Variants in ZNF609 observed in about 807,000 individuals in gnomAD.
The protein encoded by ZNF609 is zinc finger protein 609.
In ZNF609, 11 loss-of-function variants were observed where a neutral mutation model predicts 109.5. That is an observed-to-expected ratio of 0.10 (90% CI 0.06 to 0.17). ZNF609 has a LOEUF of 0.17. ZNF609 is among the 10% of genes least tolerant of loss of function. The pLI, the probability that ZNF609 is intolerant of heterozygous loss-of-function variation, is 1.00. For synonymous variants in ZNF609, 646 were observed against 662.0 expected (o/e 0.98, Z 0.37); for missense variants, 1,559 against 1,772.4 (o/e 0.88, Z 2.16).
chr15:64,529,710 G>T, intron 2 of ZNF609: 1 of 672,160 alleles, frequency 1.5e-6, no homozygotes, highest in Non-Finnish European at 2.8e-6. Flanking sequence ...GAGAGAATAT[G>T]TGGCTGTCTG....
chr15:64,676,919 A>G (rs1896818049), intron 5 of ZNF609, among the ~76,000 whole-genome samples: 1 of 149,548 alleles, frequency 6.7e-6, no homozygotes, highest in South Asian at 2.1e-4. Context: ...ACACCTGGCT[A>G]ATTTTTTGTA....
intron 2 of ZNF609, among the ~76,000 whole-genome samples, chr15:64,527,194 T>C (rs1893979219): frequency 6.6e-6 from 1 of 150,520 alleles, no homozygotes; most frequent in African/African-American, 2.5e-5. Flanking sequence ...TTTCTGTTCA[T>C]CACATATTTA....
chr15:64,578,432 C>A (rs118092540), intron 2 of ZNF609, among the ~76,000 whole-genome samples: 7 of 152,064 alleles, frequency 4.6e-5, no homozygotes, highest in Admixed American at 4.6e-4. Flanking sequence ...CAGTTGCTCA[C>A]GACTGTAATC....
At chr15:64,665,968 A>C (rs557028544) in intron 3 of ZNF609, among the ~76,000 whole-genome samples, 2 of 148,858 alleles carry the variant, frequency 1.3e-5, no homozygotes, top group Non-Finnish European at 3.0e-5. Flanking sequence ...CCAGCTACTC[A>C]GGAGGCTGAG....
At chr15:64,514,481 G>A (rs2140359976) in intron 2 of ZNF609, among the ~76,000 whole-genome samples, 1 of 152,234 alleles carries the variant, frequency 6.6e-6, no homozygotes, top group Middle Eastern at 3.4e-3. Flanking sequence ...AATTGAACAA[G>A]AACTATCATG....
At position 64,680,642 on chromosome 15, in the gene ZNF609, C is replaced by G. The variant is rs376742833; in HGVS notation, c.3946-4C>G. ...TGCTTTTGTGTCTCTGGTTTCCTTTCCAGATAAGTGATAAAACTTCTCAGG... is the reference window on the plus strand; with the variant it reads ...TGCTTTTGTGTCTCTGGTTTCCTTTGCAGATAAGTGATAAAACTTCTCAGG... On this transcript the variant is annotated splice_polypyrimidine_tract_variant and splice_region_variant and intron_variant, in intron 7 of 9. Transcript: ENST00000326648. 5.7e-6 allele frequency: 9 copies of G among 1,579,134 alleles called. No individual in the cohort carries two copies. The African/African-American group carries it at 1.1e-4, about 19-fold the overall frequency.
intron 2 of ZNF609, among the ~76,000 whole-genome samples, chr15:64,534,802 G>A (rs1248842744): frequency 1.3e-5 from 2 of 152,096 alleles, no homozygotes; most frequent in Non-Finnish European, 2.9e-5. Context: ...GGAGGCCAAG[G>A]TGGGTGGATG....
chr15:64,545,201 T>G (rs1424131644), intron 2 of ZNF609, among the ~76,000 whole-genome samples: 5 of 152,112 alleles, frequency 3.3e-5, no homozygotes, highest in African/African-American at 9.6e-5. Flanking sequence ...ATACAGGATT[T>G]TTTTTTTTTT....
intron 1 of ZNF609, among the ~76,000 whole-genome samples, chr15:64,464,964 G>GT (rs909600052): frequency 6.6e-5 from 10 of 152,318 alleles, no homozygotes; most frequent in African/African-American, 2.4e-4. Context: ...TTGTTGATTT[G>GT]TTAGTAAGAT....
intron 3 of ZNF609, among the ~76,000 whole-genome samples, chr15:64,653,866 G>A (rs1567040135): frequency 6.6e-6 from 1 of 151,996 alleles, no homozygotes; most frequent in Non-Finnish European, 1.5e-5. Flanking sequence ...GAGCCAAAGA[G>A]CTATAAAAAA....
intron 2 of ZNF609, among the ~76,000 whole-genome samples, chr15:64,574,143 T>C (rs1016971366): frequency 3.3e-5 from 5 of 149,430 alleles, no homozygotes; most frequent in Non-Finnish European, 5.9e-5. Flanking sequence ...TTAGCCTTTT[T>C]TGAGCTTTTA....
intron 1 of ZNF609, among the ~76,000 whole-genome samples, chr15:64,483,547 T>C (rs1415409736): frequency 2.0e-5 from 3 of 152,294 alleles, no homozygotes; most frequent in African/African-American, 7.2e-5. Flanking sequence ...CCACCACGCC[T>C]GGCTACATTT....
chr15:64,677,616 T>A (rs1325546375), intron 5 of ZNF609, among the ~76,000 whole-genome samples: 2 of 152,210 alleles, frequency 1.3e-5, no homozygotes, highest in African/African-American at 2.4e-5. Context: ...TAGGTTGAGT[T>A]AGAACTAGGA....
intron 2 of ZNF609, among the ~76,000 whole-genome samples, chr15:64,609,262 T>G (rs1260705829): frequency 3.3e-5 from 5 of 151,768 alleles, no homozygotes; most frequent in African/African-American, 7.3e-5. Flanking sequence ...CTCGGCTCAC[T>G]GCAACCTCTG....
chr15:64,518,595 C>T (rs2140362763), intron 2 of ZNF609, among the ~76,000 whole-genome samples: 1 of 152,306 alleles, frequency 6.6e-6, no homozygotes, highest in East Asian at 1.9e-4. Flanking sequence ...TTGATGTCAT[C>T]TGCAGAGTGG....
intron 3 of ZNF609, 29 bp downstream of exon 3, chr15:64,623,081 C>G (rs2140972759): frequency 6.2e-7 from 1 of 1,601,954 alleles, no homozygotes; most frequent in South Asian, 1.1e-5. Flanking sequence ...TTTCCCCTCC[C>G]TTCTCAACCT....
intron 2 of ZNF609, among the ~76,000 whole-genome samples, chr15:64,612,462 T>C (rs908265983): frequency 6.6e-6 from 1 of 152,024 alleles, no homozygotes; most frequent in Non-Finnish European, 1.5e-5. Context: ...ATATAGCTTC[T>C]TAGAACTGTT....
intron 1 of ZNF609, among the ~76,000 whole-genome samples, chr15:64,489,467 A>C (rs1253238376): frequency 1.3e-5 from 2 of 148,650 alleles, no homozygotes. Flanking sequence ...GGCAGGAGCC[A>C]CTGTGCCTGG....
At chr15:64,476,007 G>A (rs1171032514) in intron 1 of ZNF609, among the ~76,000 whole-genome samples, 1 of 152,172 alleles carries the variant, frequency 6.6e-6, no homozygotes, top group Non-Finnish European at 1.5e-5. Flanking sequence ...TCAAGGACAA[G>A]CATTTGTTGC....
Sources: gnomAD v4.1 joint callset for allele counts (sites outside exome capture counted in the v4.1 genomes callset) on GRCh38, gnomAD v4.1.1 for gene constraint, MANE v1.5 for transcripts, NCBI Gene and HGNC (gene_info 2026-07-23, HGNC 2026-07-21) for gene names.